ULK2: variants seen among roughly 807,000 people sequenced by gnomAD.
ULK2 encodes the protein unc-51 like autophagy activating kinase 2.
A neutral mutation model predicts 127.5 loss-of-function variants in ULK2; 76 were observed. That is an observed-to-expected ratio of 0.60 (90% CI 0.50 to 0.72). The LOEUF (loss-of-function observed/expected upper bound fraction) is 0.72. ULK2 is among the 30% of genes least tolerant of loss of function. ULK2 has a pLI of 0.00. For synonymous variants in ULK2, 452 were observed against 461.9 expected, an observed-to-expected ratio of 0.98 and a Z score of 0.28; for missense variants, 1,144 against 1,295.9, an observed-to-expected ratio of 0.88 and a Z score of 1.80.
At chr17:19,782,155 T>C (rs879498287) in intron 22 of ULK2, 88 bp from the exon 23 acceptor site, 36 of 1,298,656 alleles carry the variant, frequency 2.8e-5, no homozygotes, top group Non-Finnish European at 3.8e-5. Context: ...CCGCTGATCA[T>C]GTTTTCTATA....
At chr17:19,844,472 T>C (rs1400555277) in intron 7 of ULK2, among the ~76,000 whole-genome samples, 2 of 152,122 alleles carry the variant, frequency 1.3e-5, no homozygotes, top group Non-Finnish European at 2.9e-5. Context: ...TCTTATTAAG[T>C]CAATATCCTT....
Position 19,840,606 on chromosome 17 carries a change from G to C in ULK2, c.704+883C>G, listed in dbSNP as rs548244956. 14 of 216,412 alleles carry C rather than the reference G, an allele frequency of 6.5e-5. No individual in the cohort carries two copies. In the South Asian group the frequency reaches 1.0e-3, roughly 16 times the overall value. 13.4% of individuals were successfully genotyped at this position (216,412 alleles called of 1,614,324 possible). A position where few individuals can be genotyped will look rare whatever the true frequency, so the allele number is the denominator to read the frequency against. ...AAAAGCATACAGTTGGCCAGATATG[G>C]TGGCTCATGCCTGTAATCCCAGCAC... On this transcript the variant is annotated intron_variant, in intron 9 of 26. Coordinates refer to ENST00000395544, the MANE Select transcript of ULK2 (RefSeq NM_014683.4).
In ULK2 at chr17:19,772,591, C is replaced by T. The variant is rs2086750754; in HGVS notation, c.*3758G>A. 6.6e-6 allele frequency: 1 copy of T among 152,148 alleles called. No individual in the cohort carries two copies. Among genetic ancestry groups the T allele is most frequent in the African/African-American group, 2.4e-5 (1 of 41,444 alleles). The allele number at this position is 152,148 out of a possible 1,614,324, so 9.4% of individuals were successfully genotyped here. A position where few individuals can be genotyped will look rare whatever the true frequency, so the allele number is the denominator to read the frequency against. Reference sequence around the variant, plus strand: ...AAATACTGATCAATCTTGCTTTATTCCAGAAAGAATTTAAGACTGCTTATA... The same window carrying T: ...AAATACTGATCAATCTTGCTTTATTTCAGAAAGAATTTAAGACTGCTTATA... On this transcript the variant is annotated 3_prime_UTR_variant, in exon 27 of 27. Coordinates refer to ENST00000395544, the MANE Select transcript of ULK2 (RefSeq NM_014683.4).
At chr17:19,846,999 G>C (rs2041899949) in intron 5 of ULK2, 89 bp from the exon 6 acceptor site, 22 of 1,238,246 alleles carry the variant, frequency 1.8e-5, no homozygotes, top group Non-Finnish European at 2.3e-5. Flanking sequence ...TTGTGAAGGA[G>C]AGCATGAAGG....
Position 19,804,809 on chromosome 17 carries a change from T to C in ULK2, c.1179A>G (p.Ser393=). 6.2e-7 allele frequency: 1 copy of C among 1,613,120 alleles called. No homozygotes were observed. The highest frequency in any genetic ancestry group is 8.5e-7 in the Non-Finnish European group (1 of 1,179,472). ...VCGGQCQPTV[S]PHSETAPIPV... ...GAATTGGTGCTGTTTCGCTGTGAGG[T>C]GACACAGTAGGCTGACACTGCCTGC... The change falls in exon 15 of 27, where the codon TCA becomes TCG. Residue 393 remains serine (S), a synonymous_variant. Coordinates refer to ENST00000395544, the MANE Select transcript of ULK2 (RefSeq NM_014683.4).
chr17:19,824,344 G>A (rs920618991), intron 12 of ULK2, among the ~76,000 whole-genome samples: 1 of 151,392 alleles, frequency 6.6e-6, no homozygotes, highest in Admixed American at 6.6e-5. Flanking sequence ...TACTTGGGAG[G>A]CTGAGGCTGG....
Position 19,867,622 on chromosome 17 carries a change from G to T in ULK2, c.-205C>A. The T allele has an allele frequency of 3.6e-6, 1 of 277,736 alleles. No homozygotes were observed. The highest frequency in any genetic ancestry group is 6.6e-6 in the Non-Finnish European group (1 of 151,726). The allele number at this position is 277,736 out of a possible 1,614,324, so 17.2% of individuals were successfully genotyped here. A position where few individuals can be genotyped will look rare whatever the true frequency, so the allele number is the denominator to read the frequency against. ...CGCGGAGCCAGGGTCAGCGAGGCCC[G>T]GCCCGGCCCCTGCCGCTCATGGCCC... On this transcript the variant is annotated 5_prime_UTR_variant, in exon 1 of 27. Transcript: ENST00000395544.
At chr17:19,857,533 G>A (rs2042159992) in intron 3 of ULK2, among the ~76,000 whole-genome samples, 1 of 152,030 alleles carries the variant, frequency 6.6e-6, no homozygotes, top group African/African-American at 2.4e-5. Context: ...TCTATTTTTT[G>A]TCAGATGTCT....
chr17:19,862,960 T>A (rs2042273624), intron 3 of ULK2, among the ~76,000 whole-genome samples: 1 of 152,102 alleles, frequency 6.6e-6, no homozygotes. Flanking sequence ...ACATCTGTAA[T>A]CCCAGCATTT....
rs756378620 is a variant in ULK2 at position 19,776,355 on chromosome 17, G to A, written c.3105C>T (p.Thr1035=). Residue 1035 remains threonine (T), a synonymous_variant, in exon 27 of 27, where the codon ACC becomes ACT. Transcript: ENST00000395544. ...RLSALCHSTA[T]V ...CACGGGATGAGCCTGCTGCTCACAC[G>A]GTTGCGGTGCTATGGCAGAGCGCCG... 8.7e-6 allele frequency: 14 copies of A among 1,604,840 alleles called. No homozygotes were observed. The East Asian group carries it at 9.0e-5, about 10-fold the overall frequency.
At chr17:19,826,825 C>T (rs2041308384) in intron 10 of ULK2, among the ~76,000 whole-genome samples, 1 of 152,072 alleles carries the variant, frequency 6.6e-6, no homozygotes, top group Non-Finnish European at 1.5e-5. Context: ...GGCATGGCGG[C>T]CGGCGCCTGT....
chr17:19,820,263 G>A (rs563053148), intron 12 of ULK2, among the ~76,000 whole-genome samples: 4 of 152,220 alleles, frequency 2.6e-5, no homozygotes, highest in East Asian at 3.9e-4. Context: ...TGGCCAGGAT[G>A]GTCTCAGTCT....
intron 20 of ULK2, 66 bp from the exon 21 acceptor site, chr17:19,786,152 G>T: frequency 1.4e-6 from 2 of 1,468,568 alleles, no homozygotes; most frequent in Middle Eastern, 2.1e-4. Flanking sequence ...AGATGGGATT[G>T]CAGGGGGATA....
intron 26 of ULK2, among the ~76,000 whole-genome samples, chr17:19,776,965 A>G (rs2086823122): frequency 6.6e-6 from 1 of 152,236 alleles, no homozygotes; most frequent in African/African-American, 2.4e-5. Context: ...AGTGCTTTTC[A>G]TGCATCACCT....
At position 19,845,350 on chromosome 17, in the gene ULK2, TG is replaced by T; in HGVS notation, c.496del (p.His166IlefsTer4). The part of the protein sequence containing the change: ...IADFGFARYL[H>X]SNMMAATLCG... ...CAGTGTTGCAGCCATCATGTTACTA[TG>T]TAGGTAACGAGCAAAACCAAAATCC... is the stretch of plus-strand genomic sequence containing the variant. On this transcript the variant is annotated frameshift_variant, in exon 7 of 27. Coordinates refer to ENST00000395544, the MANE Select transcript of ULK2 (RefSeq NM_014683.4). LOFTEE classifies it high-confidence loss of function. 1 of 1,614,022 alleles carries T rather than the reference TG, an allele frequency of 6.2e-7. No individual in the cohort carries two copies. Among genetic ancestry groups the T allele is most frequent in the Non-Finnish European group, 8.5e-7 (1 of 1,179,928 alleles).
At position 19,795,734 on chromosome 17, in the gene ULK2, A is replaced by T; in HGVS notation, c.1998-9T>A. The T allele has an allele frequency of 6.2e-7, 1 of 1,609,524 alleles. No homozygotes were observed. The highest frequency in any genetic ancestry group is 8.5e-7 in the Non-Finnish European group (1 of 1,175,930). On this transcript the variant is annotated splice_polypyrimidine_tract_variant and intron_variant, in intron 19 of 26. Transcript: ENST00000395544. ...TCCCGGTACTGACAGATCTAAAAAG[A>T]ATAGTGATGTTTTTAATAAAGGAAA...
chr17:19,814,202 C>T (rs528036257), intron 13 of ULK2, among the ~76,000 whole-genome samples: 9 of 151,354 alleles, frequency 5.9e-5, no homozygotes, highest in African/African-American at 1.9e-4. Flanking sequence ...TACCTTGCTC[C>T]ATCTACAAAA....
rs1173739910 is a variant in ULK2 at position 19,797,549 on chromosome 17, T to C, written c.1656A>G (p.Pro552=). The C allele has an allele frequency of 1.9e-6, 3 of 1,613,916 alleles. No homozygotes were observed. Among genetic ancestry groups the C allele is most frequent in the Non-Finnish European group, 2.5e-6 (3 of 1,180,018 alleles). The change falls in exon 18 of 27, where the codon CCA becomes CCG. Residue 552 remains proline (P), a synonymous_variant. Coordinates refer to ENST00000395544, the MANE Select transcript of ULK2 (RefSeq NM_014683.4). ...AGCTGTACCCAGCCCCAGTATGGGATGGGCACACGGGGTCAGAGTGCTGTT... is the reference window on the plus strand; with the variant it reads ...AGCTGTACCCAGCCCCAGTATGGGACGGGCACACGGGGTCAGAGTGCTGTT... The part of the protein sequence containing the change: ...LRKQHSDPVC[P]SHTGAGYSYS...
intron 1 of ULK2, 115 bp from the exon 2 acceptor site, chr17:19,865,943 G>T: frequency 3.3e-6 from 2 of 611,008 alleles, no homozygotes; most frequent in Non-Finnish European, 2.9e-6. Context: ...GGGAAAAATG[G>T]AATTATTTTC....
Sources: gnomAD v4.1 joint callset for allele counts (sites outside exome capture counted in the v4.1 genomes callset) on GRCh38, gnomAD v4.1.1 for gene constraint, MANE v1.5 for transcripts, NCBI Gene and HGNC (gene_info 2026-07-23, HGNC 2026-07-21) for gene names.